RBM20: variants seen among roughly 807,000 people sequenced by gnomAD.
The protein encoded by RBM20 is RNA binding motif protein 20.
In RBM20, 51 loss-of-function variants were observed where a neutral mutation model predicts 110.1. The ratio of observed to expected loss-of-function variants is 0.46; its 90% CI spans 0.37 to 0.59. The LOEUF (loss-of-function observed/expected upper bound fraction) is 0.59, where lower values mean the gene tolerates loss of function less well. Ranked by LOEUF, RBM20 falls within the 20% of genes least tolerant of loss-of-function variation. RBM20 has a pLI of 0.00. For synonymous variants in RBM20, 589 were observed against 618.2 expected (o/e 0.95, Z 0.70); for missense variants, 1,512 against 1,574.9 (o/e 0.96, Z 0.68).
At position 110,821,912 on chromosome 10, in the gene RBM20, C is replaced by T. The variant is rs1564664787; in HGVS notation, c.3293C>T (p.Ala1098Val). The T allele has an allele frequency of 1.9e-6, 3 of 1,551,744 alleles. No individual in the cohort carries two copies. Among genetic ancestry groups the T allele is most frequent in the South Asian group, 1.2e-5 (1 of 84,060 alleles). ...PPIETDLQNQ[A>V]CQEVLTPENS... The stretch of plus-strand genomic sequence containing the variant: ...ATCGAAACTGACCTCCAAAACCAAG[C>T]TTGCCAAGAAGTGTTGACCCCGGGT... The change falls in exon 11 of 14, where the codon GCT (alanine) becomes GTT (valine). Residue 1098 changes from alanine to valine, a missense_variant. Coordinates refer to ENST00000369519, the MANE Select transcript of RBM20 (RefSeq NM_001134363.3).
intron 1 of RBM20, among the ~76,000 whole-genome samples, chr10:110,684,437 AAAAG>A (rs1412694611): frequency 6.6e-6 from 1 of 152,178 alleles, no homozygotes; most frequent in Non-Finnish European, 1.5e-5. Context: ...AAGAAAAAGA[AAAAG>A]AAAACAGAAA....
chr10:110,645,799 G>T (rs1460398951), intron 1 of RBM20, among the ~76,000 whole-genome samples: 1 of 145,118 alleles, frequency 6.9e-6, no homozygotes, highest in South Asian at 2.1e-4. Context: ...GTTGACTGGT[G>T]GAATACTGAG....
At chr10:110,780,684 G>A (rs1844325516) in intron 1 of RBM20, 117 bp from the exon 2 acceptor site, 2 of 1,167,780 alleles carry the variant, frequency 1.7e-6, no homozygotes, top group Admixed American at 3.0e-5. Context: ...CTTGTATGTG[G>A]GACCAGTGTG....
intron 1 of RBM20, among the ~76,000 whole-genome samples, chr10:110,692,268 C>CAT (rs1164579556): frequency 6.6e-6 from 1 of 152,010 alleles, no homozygotes; most frequent in Admixed American, 6.5e-5. Flanking sequence ...CTTAAGATTC[C>CAT]ATGTGAAGTT....
intron 1 of RBM20, among the ~76,000 whole-genome samples, chr10:110,759,999 G>A (rs1301528497): frequency 6.6e-6 from 1 of 152,214 alleles, no homozygotes; most frequent in African/African-American, 2.4e-5. Flanking sequence ...TAGCTCAGTG[G>A]TGGTGGGGGG....
intron 1 of RBM20, among the ~76,000 whole-genome samples, chr10:110,770,193 T>C (rs930400746): frequency 2.0e-5 from 3 of 151,594 alleles, no homozygotes; most frequent in African/African-American, 7.3e-5. Context: ...TGGTGAGGGG[T>C]GGGCCCAGCA....
chr10:110,814,540 G>A (rs771616825), intron 9 of RBM20, among the ~76,000 whole-genome samples: 3 of 151,924 alleles, frequency 2.0e-5, no homozygotes, highest in Non-Finnish European at 4.4e-5. Flanking sequence ...TGCCCACCCA[G>A]GCTGGAGTGC....
intron 5 of RBM20, among the ~76,000 whole-genome samples, chr10:110,786,831 G>C (rs894391043): frequency 6.6e-5 from 10 of 152,250 alleles, no homozygotes; most frequent in Admixed American, 6.5e-5. Flanking sequence ...GCTGGATTGA[G>C]TGTCAGGTGG....
intron 11 of RBM20, 29 bp from the exon 12 acceptor site, chr10:110,823,451 T>TGCTTTGTTTA: frequency 9.5e-7 from 1 of 1,047,922 alleles, no homozygotes; most frequent in Non-Finnish European, 1.2e-6. Context: ...TTTTTTTTTT[T>TGCTTTGTTTA]TTTTTTTGCC....
intron 7 of RBM20, among the ~76,000 whole-genome samples, chr10:110,808,686 ATC>A (rs765812730): frequency 2.1e-4 from 32 of 152,128 alleles, no homozygotes; most frequent in Non-Finnish European, 4.1e-4. Flanking sequence ...AACATTTTAT[ATC>A]TCTTTTCTGT....
At chr10:110,723,099 G>A (rs1843526727) in intron 1 of RBM20, among the ~76,000 whole-genome samples, 1 of 144,394 alleles carries the variant, frequency 6.9e-6, no homozygotes, top group South Asian at 2.2e-4. Flanking sequence ...GCGCCAGAGC[G>A]AGACTCCATC....
intron 1 of RBM20, among the ~76,000 whole-genome samples, chr10:110,712,723 C>T (rs1406125987): frequency 2.0e-5 from 3 of 152,158 alleles, no homozygotes; most frequent in Non-Finnish European, 4.4e-5. Context: ...GCTGAGATCG[C>T]ACCACTGCAC....
chr10:110,795,183 G>A (rs1844533567), intron 5 of RBM20, among the ~76,000 whole-genome samples: 1 of 152,250 alleles, frequency 6.6e-6, no homozygotes, highest in Non-Finnish European at 1.5e-5. Context: ...CTGCTTGAAA[G>A]CTCAGCTGTG....
chr10:110,645,136 G>C (rs1312811048), intron 1 of RBM20, among the ~76,000 whole-genome samples: 1 of 152,192 alleles, frequency 6.6e-6, no homozygotes, highest in African/African-American at 2.4e-5. Context: ...TGCCCTGAAA[G>C]TGTAGACACT....
rs146331703 is a variant in RBM20 at position 110,797,907 on chromosome 10, T to C, written c.1668+259T>C. Among the ~76,000 whole-genome samples the C allele has an allele frequency of 3.9e-5, 6 of 152,290 alleles. No homozygotes were observed. In the East Asian group the frequency reaches 1.2e-3, roughly 29 times the overall value. The stretch of plus-strand genomic sequence containing the variant: ...GAGATGCTTTGGAATGAGGTGCTCA[T>C]TCACATAGAAAGGGTAATTGGCACC... On this transcript the variant is annotated intron_variant, in intron 6 of 13. Coordinates refer to ENST00000369519, the MANE Select transcript of RBM20 (RefSeq NM_001134363.3).
At chr10:110,724,966 G>A (rs1843545741) in intron 1 of RBM20, among the ~76,000 whole-genome samples, 1 of 152,124 alleles carries the variant, frequency 6.6e-6, no homozygotes, top group African/African-American at 2.4e-5. Context: ...GGAGTTTAAA[G>A]TTTTGGGTAG....
chr10:110,707,248 G>T (rs953130362), intron 1 of RBM20, among the ~76,000 whole-genome samples: 2 of 152,174 alleles, frequency 1.3e-5, no homozygotes, highest in African/African-American at 4.8e-5. Context: ...ATCTCATGTT[G>T]TAAATAAGCT....
intron 1 of RBM20, among the ~76,000 whole-genome samples, chr10:110,666,340 C>A (rs1862178671): frequency 6.6e-6 from 1 of 152,022 alleles, no homozygotes; most frequent in Non-Finnish European, 1.5e-5. Context: ...GCCGACAGAC[C>A]CTTCTTAAAA....
chr10:110,830,715 G>A (rs1845040232), intron 12 of RBM20, among the ~76,000 whole-genome samples: 1 of 152,244 alleles, frequency 6.6e-6, no homozygotes, highest in Non-Finnish European at 1.5e-5. Context: ...AATCCAACAA[G>A]TGAAATATCA....
Sources: allele counts gnomAD v4.1 joint callset (sites outside exome capture counted in the v4.1 genomes callset), GRCh38; gene constraint gnomAD v4.1.1; transcripts MANE v1.5; gene names NCBI Gene and HGNC (gene_info 2026-07-23, HGNC 2026-07-21).